CFAP61: variants seen among roughly 807,000 people sequenced by gnomAD.
CFAP61 encodes cilia- and flagella-associated protein 61.
A neutral mutation model predicts 135.6 loss-of-function variants in CFAP61; 107 were observed. The observed-to-expected ratio is 0.79, with a 90% CI of 0.67 to 0.93. The LOEUF is 0.93. CFAP61 is among the 40% of genes least tolerant of loss of function. The probability of loss-of-function intolerance (pLI) is 0.00; values close to 1 mark genes in which losing one functional copy is unlikely to be tolerated. For missense variants in CFAP61, 1,507 were observed against 1,556.2 expected (o/e 0.97, Z 0.53); for synonymous variants, 575 against 578.5 (o/e 0.99, Z 0.09).
chr20:20,210,949 C>A (rs1464880439), intron 17 of CFAP61, among the ~76,000 whole-genome samples: 1 of 152,116 alleles, frequency 6.6e-6, no homozygotes, highest in Non-Finnish European at 1.5e-5. Context: ...CACAGTGAGA[C>A]CCCTACCTCT....
intron 8 of CFAP61, among the ~76,000 whole-genome samples, chr20:20,110,687 G>C (rs1163750690): frequency 2.0e-5 from 3 of 152,114 alleles, no homozygotes; most frequent in Admixed American, 2.0e-4. Context: ...CTATAACCAC[G>C]GTCATGGCTG....
At chr20:20,230,010 G>A (rs2049013585) in intron 18 of CFAP61, among the ~76,000 whole-genome samples, 1 of 151,360 alleles carries the variant, frequency 6.6e-6, no homozygotes, top group Admixed American at 6.6e-5. Context: ...AGGTGGAGCT[G>A]TGAAATTATA....
intron 17 of CFAP61, among the ~76,000 whole-genome samples, chr20:20,210,874 C>G (rs1032376495): frequency 4.6e-5 from 7 of 152,058 alleles, no homozygotes; most frequent in Non-Finnish European, 1.5e-5. Context: ...ACCTGTCATC[C>G]CACACTTTGG....
rs1601914461 is a variant in CFAP61 at position 20,304,585 on chromosome 20, ACG to A, written c.3422+6201_3422+6202del. On this transcript the variant is annotated intron_variant, in intron 25 of 26. Coordinates refer to ENST00000245957, the MANE Select transcript of CFAP61 (RefSeq NM_015585.4). ...TACACTCACTCACACGCCCAGTCAC[ACG>A]CTCACACACACCTGCACCCGCCTCT... Among the ~76,000 whole-genome samples, 4 of 150,714 alleles carry A rather than the reference ACG, an allele frequency of 2.7e-5. No homozygotes were observed. The East Asian group carries it at 7.8e-4, about 29-fold the overall frequency.
At position 20,196,692 on chromosome 20, in the gene CFAP61, C is replaced by T. The variant is rs2056315892; in HGVS notation, c.1713C>T (p.Thr571=). The part of the protein sequence containing the change: ...FALNPIFRHY[T]KFFLKEILRL... ...TCAACCCCATTTTCCGGCACTACACCAAGTTCTTTCTGAAGGAGATCCTGC... is the reference window on the plus strand; with the variant it reads ...TCAACCCCATTTTCCGGCACTACACTAAGTTCTTTCTGAAGGAGATCCTGC... Residue 571 remains threonine (T), a synonymous_variant, in exon 16 of 27, where the codon ACC becomes ACT. Transcript: ENST00000245957. 6.2e-7 allele frequency: 1 copy of T among 1,614,136 alleles called. No individual in the cohort carries two copies. The highest frequency in any genetic ancestry group is 8.5e-7 in the Non-Finnish European group (1 of 1,180,026).
intron 11 of CFAP61, among the ~76,000 whole-genome samples, chr20:20,165,517 C>A (rs959645033): frequency 7.9e-5 from 12 of 151,880 alleles, no homozygotes; most frequent in Non-Finnish European, 1.2e-4. Flanking sequence ...ACCCACCCTG[C>A]CCCTCCAGAA....
intron 13 of CFAP61, among the ~76,000 whole-genome samples, chr20:20,170,619 T>A (rs193043894): frequency 2.0e-5 from 3 of 152,320 alleles, no homozygotes; most frequent in East Asian, 3.9e-4. Flanking sequence ...ATGCACAATC[T>A]TCTGATGAAA....
At chr20:20,275,758 T>G (rs962726062) in intron 21 of CFAP61, among the ~76,000 whole-genome samples, 1 of 152,260 alleles carries the variant, frequency 6.6e-6, no homozygotes, top group East Asian at 1.9e-4. Context: ...AAACCTTTTA[T>G]AGTTTTCGGT....
chr20:20,108,493 G>A (rs991668816), intron 8 of CFAP61, among the ~76,000 whole-genome samples: 42 of 151,908 alleles, frequency 2.8e-4, no homozygotes, highest in African/African-American at 9.9e-4. Context: ...TACAAATAGT[G>A]AGGGGAAATG....
At chr20:20,259,516 G>A (rs563067882) in intron 20 of CFAP61, among the ~76,000 whole-genome samples, 4 of 150,204 alleles carry the variant, frequency 2.7e-5, no homozygotes, top group South Asian at 2.1e-4. Flanking sequence ...CAAGGGATCC[G>A]CCTGCCTCAG....
Position 20,251,687 on chromosome 20 carries a change from C to G in CFAP61, c.2252C>G (p.Ala751Gly). The change falls in exon 20 of 27, where the codon GCC becomes GGC. Residue 751 changes from alanine (A) to glycine (G), a missense_variant. By Grantham distance (60) the Ala-to-Gly change is moderately conservative. Coordinates refer to ENST00000245957, the MANE Select transcript of CFAP61 (RefSeq NM_015585.4). ...VGRMTGIDRAAKHVVLSTDEI... is the reference protein window; with the variant it reads ...VGRMTGIDRAGKHVVLSTDEI... The stretch of plus-strand genomic sequence containing the variant: ...AGAATGACCGGCATAGACCGAGCAG[C>G]CAAGCACGTTGTGCTTTCCACGGAC... 6.2e-7 allele frequency: 1 copy of G among 1,614,196 alleles called. No homozygotes were observed. Among genetic ancestry groups the G allele is most frequent in the Non-Finnish European group, 8.5e-7 (1 of 1,180,022 alleles).
intron 8 of CFAP61, among the ~76,000 whole-genome samples, chr20:20,129,003 A>G (rs995563352): frequency 2.0e-5 from 3 of 151,434 alleles, no homozygotes; most frequent in Admixed American, 2.0e-4. Flanking sequence ...TATTATTATA[A>G]TTGTTATAAC....
intron 17 of CFAP61, among the ~76,000 whole-genome samples, chr20:20,223,724 AT>A (rs908732775): frequency 6.6e-6 from 1 of 152,144 alleles, no homozygotes; most frequent in African/African-American, 2.4e-5. Flanking sequence ...ATTTTGACCA[AT>A]TTTTTTCTAT....
chr20:20,207,508 C>T (rs145032246), intron 17 of CFAP61, among the ~76,000 whole-genome samples: 6 of 152,320 alleles, frequency 3.9e-5, no homozygotes, highest in Middle Eastern at 3.4e-3. Flanking sequence ...AGCAAGGCTC[C>T]GGGTGGAGCT....
chr20:20,247,892 A>G (rs2050588318), intron 19 of CFAP61, among the ~76,000 whole-genome samples: 1 of 152,040 alleles, frequency 6.6e-6, no homozygotes, highest in Non-Finnish European at 1.5e-5. Context: ...CAACACCCCA[A>G]CACACTCCAG....
intron 20 of CFAP61, among the ~76,000 whole-genome samples, chr20:20,254,978 C>A (rs2051409053): frequency 1.3e-5 from 2 of 152,228 alleles, no homozygotes; most frequent in African/African-American, 4.8e-5. Flanking sequence ...AGCTCTCTTT[C>A]CAGAGGCAAC....
At chr20:20,245,750 T>C (rs2050404366) in intron 18 of CFAP61, among the ~76,000 whole-genome samples, 3 of 152,226 alleles carry the variant, frequency 2.0e-5, no homozygotes, top group Non-Finnish European at 4.4e-5. Context: ...GTCATCAGGG[T>C]TAAGCTGCGA....
intron 8 of CFAP61, among the ~76,000 whole-genome samples, chr20:20,118,182 G>C (rs1395025526): frequency 6.6e-6 from 1 of 151,906 alleles, no homozygotes; most frequent in Non-Finnish European, 1.5e-5. Context: ...GGAAAGTCTT[G>C]CAACTTTTTT....
At chr20:20,203,077 C>T (rs2056698468) in intron 17 of CFAP61, among the ~76,000 whole-genome samples, 1 of 152,146 alleles carries the variant, frequency 6.6e-6, no homozygotes, top group Admixed American at 6.5e-5. Context: ...CACCCCAAGG[C>T]CTTCCTAATT....
Sources: gnomAD v4.1 joint callset for allele counts (sites outside exome capture counted in the v4.1 genomes callset) on GRCh38, gnomAD v4.1.1 for gene constraint, MANE v1.5 for transcripts, NCBI Gene and HGNC (gene_info 2026-07-23, HGNC 2026-07-21) for gene names.